Variants in SNX9 observed in about 807,000 individuals in gnomAD.
SNX9 encodes sorting nexin-9.
SNX9 carries 44 observed loss-of-function variants against 89.4 expected under a neutral mutation model. The ratio of observed to expected loss-of-function variants is 0.49; its 90% CI spans 0.39 to 0.63. The LOEUF (loss-of-function observed/expected upper bound fraction) is 0.63, where lower values mean the gene tolerates loss of function less well. SNX9 is among the 30% of genes least tolerant of loss of function. The pLI, the probability that SNX9 is intolerant of heterozygous loss-of-function variation, is 0.00. For missense variants in SNX9, 578 were observed against 736.1 expected (o/e 0.79, Z 2.49); for synonymous variants, 236 against 247.8 (o/e 0.95, Z 0.45).
chr6:157,919,404 T>G (rs909014767), intron 9 of SNX9, among the ~76,000 whole-genome samples: 2 of 152,220 alleles, frequency 1.3e-5, no homozygotes, highest in Non-Finnish European at 2.9e-5. Flanking sequence ...TTTCTCTGTG[T>G]TCTTCATGTT....
At chr6:157,914,324 C>A (rs552888687) in intron 9 of SNX9, among the ~76,000 whole-genome samples, 2 of 152,160 alleles carry the variant, frequency 1.3e-5, no homozygotes, top group Non-Finnish European at 2.9e-5. Flanking sequence ...CTCTTGTGCT[C>A]ATTTTTTATC....
At chr6:157,839,659 T>C (rs767898466) in intron 1 of SNX9, among the ~76,000 whole-genome samples, 3 of 152,240 alleles carry the variant, frequency 2.0e-5, no homozygotes, top group Non-Finnish European at 4.4e-5. Flanking sequence ...AGACCTATAA[T>C]ATTTTAGTTC....
rs1443105029 is a variant in SNX9 at position 157,943,141 on chromosome 6, C to T, written c.*303C>T. On this transcript the variant is annotated 3_prime_UTR_variant, in exon 18 of 18. Coordinates refer to ENST00000392185, the MANE Select transcript of SNX9 (RefSeq NM_016224.5). ...GGGGTTTCTCCCCACTGATATTTTACATAGAGTCATAATTTATATGTCTTA... is the reference window on the plus strand; with the variant it reads ...GGGGTTTCTCCCCACTGATATTTTATATAGAGTCATAATTTATATGTCTTA... 4.0e-6 allele frequency: 1 copy of T among 250,756 alleles called. No individual in the cohort carries two copies. 15.5% of individuals were successfully genotyped at this position (250,756 alleles called of 1,614,324 possible). A position where few individuals can be genotyped will look rare whatever the true frequency, so the allele number is the denominator to read the frequency against.
intron 4 of SNX9, among the ~76,000 whole-genome samples, chr6:157,890,773 G>A (rs181973334): frequency 1.6e-4 from 24 of 152,312 alleles, no homozygotes; most frequent in African/African-American, 5.8e-4. Context: ...GATTGTATAT[G>A]TCGATTTTGT....
chr6:157,865,868 TC>T (rs1782251129), intron 1 of SNX9, among the ~76,000 whole-genome samples: 1 of 152,196 alleles, frequency 6.6e-6, no homozygotes, highest in South Asian at 2.1e-4. Flanking sequence ...TGGTGGGTGT[TC>T]AGTAAATATT....
chr6:157,897,456 T>C (rs1783004313), intron 5 of SNX9, among the ~76,000 whole-genome samples: 1 of 152,176 alleles, frequency 6.6e-6, no homozygotes, highest in South Asian at 2.1e-4. Context: ...TCTCTTTTCC[T>C]GTAGCTCAAG....
chr6:157,938,289 CAT>C (rs1783966845), intron 15 of SNX9, among the ~76,000 whole-genome samples: 1 of 152,240 alleles, frequency 6.6e-6, no homozygotes, highest in African/African-American at 2.4e-5. Context: ...TACCTAGCCA[CAT>C]GACTTCCAAA....
intron 1 of SNX9, among the ~76,000 whole-genome samples, chr6:157,832,104 A>C (rs949259518): frequency 6.6e-6 from 1 of 152,254 alleles, no homozygotes; most frequent in Non-Finnish European, 1.5e-5. Context: ...TTGTAAATGC[A>C]GTGTTTAAGG....
chr6:157,884,715 C>T (rs975924234), intron 4 of SNX9, among the ~76,000 whole-genome samples: 2 of 152,130 alleles, frequency 1.3e-5, no homozygotes, highest in African/African-American at 4.8e-5. Flanking sequence ...TCATTACTAA[C>T]CTTGTGTGCT....
At chr6:157,895,773 A>G (rs1383115481) in intron 4 of SNX9, among the ~76,000 whole-genome samples, 2 of 152,214 alleles carry the variant, frequency 1.3e-5, no homozygotes, top group Admixed American at 6.5e-5. Context: ...ATAGTAGGCC[A>G]TTGTTTCAGA....
At chr6:157,898,853 A>T (rs2115166551) in intron 5 of SNX9, among the ~76,000 whole-genome samples, 1 of 152,338 alleles carries the variant, frequency 6.6e-6, no homozygotes, top group East Asian at 1.9e-4. Context: ...GCAGTCATAG[A>T]CAGGAGCTGC....
In SNX9 at chr6:157,823,383, T is replaced by A; in HGVS notation, c.-52T>A. 1 of 1,264,054 alleles carries A rather than the reference T, an allele frequency of 7.9e-7. No homozygotes were observed. Among genetic ancestry groups the A allele is most frequent in the Non-Finnish European group, 1.0e-6 (1 of 997,214 alleles). The allele number at this position is 1,264,054 out of a possible 1,614,324, so 78.3% of individuals were successfully genotyped here. ...TTGCCTGCGCGGCTCAGAATCACCA[T>A]CCGCGGCGCGGGAGACGAGCCGGCC... On this transcript the variant is annotated 5_prime_UTR_variant, in exon 1 of 18. Transcript: ENST00000392185. The surrounding 1 kb of genome is among the most constrained non-coding windows in gnomAD (Gnocchi z 4.6).
At chr6:157,833,014 A>T (rs1399531393) in intron 1 of SNX9, among the ~76,000 whole-genome samples, 1 of 152,184 alleles carries the variant, frequency 6.6e-6, no homozygotes, top group African/African-American at 2.4e-5. Context: ...TTCAGTAGCT[A>T]TTTTGTGCCA....
At chr6:157,894,465 T>TA (rs1173887333) in intron 4 of SNX9, among the ~76,000 whole-genome samples, 5,875 of 100,624 alleles carry the variant, frequency 0.058, 188 homozygotes, top group East Asian at 0.12. Context: ...ATTTAAATGT[T>TA]AAAAAAAAAA....
intron 4 of SNX9, among the ~76,000 whole-genome samples, chr6:157,890,559 A>G (rs1782836726): frequency 6.6e-6 from 1 of 152,168 alleles, no homozygotes; most frequent in Non-Finnish European, 1.5e-5. Flanking sequence ...GTCGGACATA[A>G]TCATCTACCT....
At chr6:157,927,885 TATC>T (rs1268413336) in intron 11 of SNX9, among the ~76,000 whole-genome samples, 1 of 151,854 alleles carries the variant, frequency 6.6e-6, no homozygotes. Flanking sequence ...TAAGCTTTGT[TATC>T]ATAAAATTAT....
rs1781274691 is a variant in SNX9 at position 157,823,411 on chromosome 6, C to T, written c.-24C>T. The T allele has an allele frequency of 1.6e-6, 2 of 1,261,580 alleles. No individual in the cohort carries two copies. Among genetic ancestry groups the T allele is most frequent in the Admixed American group, 7.1e-5 (2 of 28,308 alleles). The allele number at this position is 1,261,580 out of a possible 1,614,324, so 78.1% of individuals were successfully genotyped here. A position where few individuals can be genotyped will look rare whatever the true frequency, so the allele number is the denominator to read the frequency against. ...GCGGCGCGGGAGACGAGCCGGCCGTCCCGGGCCGGGGGACCCGCCCGCCAT... is the reference window on the plus strand; with the variant it reads ...GCGGCGCGGGAGACGAGCCGGCCGTTCCGGGCCGGGGGACCCGCCCGCCAT... On this transcript the variant is annotated 5_prime_UTR_variant, in exon 1 of 18. Transcript: ENST00000392185. The surrounding 1 kb of genome is among the most constrained non-coding windows in gnomAD (Gnocchi z 4.6).
chr6:157,834,148 TG>T (rs145474630), intron 1 of SNX9, among the ~76,000 whole-genome samples: 5,742 of 94,512 alleles, frequency 0.061, 1,002 homozygotes, highest in African/African-American at 0.14. Context: ...GTGTCCACTG[TG>T]GTTTTTTTTT....
At position 157,834,162 on chromosome 6, in the gene SNX9, T is replaced by TTTG. The variant is rs1468874870; in HGVS notation, c.12+10718_12+10719insGTT. On this transcript the variant is annotated intron_variant, in intron 1 of 17. Coordinates refer to ENST00000392185, the MANE Select transcript of SNX9 (RefSeq NM_016224.5). Reference sequence around the variant, plus strand: ...GGTGTCCACTGTGGTTTTTTTTTTTTTTTTTTTTTTTTTTTTTTTTTTTGA... The same window carrying TTTG: ...GGTGTCCACTGTGGTTTTTTTTTTTTTTGTTTTTTTTTTTTTTTTTTTTTTTGA... 9.4e-4 allele frequency among the ~76,000 whole-genome samples: 96 copies of TTTG among 101,762 alleles called. 2 individuals carry two copies. Among genetic ancestry groups the TTTG allele is most frequent in the African/African-American group, 4.4e-3 (94 of 21,494 alleles). The allele number at this position is 101,762 out of a possible 152,430, so 66.8% of individuals were successfully genotyped here. A position where few individuals can be genotyped will look rare whatever the true frequency, so the allele number is the denominator to read the frequency against.
Sources: allele counts gnomAD v4.1 joint callset (sites outside exome capture counted in the v4.1 genomes callset), GRCh38; gene constraint gnomAD v4.1.1; non-coding constraint Gnocchi (gnomAD v3.1); transcripts MANE v1.5; gene names NCBI Gene and HGNC (gene_info 2026-07-23, HGNC 2026-07-21).